Variants in NPAS3 observed in about 807,000 individuals in gnomAD.
The protein encoded by NPAS3 is neuronal PAS domain protein 3, also known as neuronal PAS domain-containing protein 3.
In NPAS3, 14 loss-of-function variants were observed where a neutral mutation model predicts 73.1. That is an observed-to-expected ratio of 0.19 (90% CI 0.13 to 0.30). The LOEUF (loss-of-function observed/expected upper bound fraction) is 0.30. Among genes scored for constraint, NPAS3 ranks in the 10% least tolerant of loss-of-function variants. NPAS3 has a pLI of 1.00. For missense variants in NPAS3, 1,096 were observed against 1,250.0 expected (o/e 0.88, Z 1.86); for synonymous variants, 620 against 541.5 (o/e 1.14, Z -2.01).
At chr14:33,360,800 A>G (rs1184498331) in intron 3 of NPAS3, among the ~76,000 whole-genome samples, 1 of 151,798 alleles carries the variant, frequency 6.6e-6, no homozygotes, top group Admixed American at 6.6e-5. Context: ...ACTCCTCAGG[A>G]CCCCTTGCAT....
At chr14:33,772,847 G>A (rs1442210087) in intron 7 of NPAS3, among the ~76,000 whole-genome samples, 4 of 152,114 alleles carry the variant, frequency 2.6e-5, no homozygotes, top group Non-Finnish European at 5.9e-5. Flanking sequence ...GGTGCATTAA[G>A]TATGAATTTA....
intron 2 of NPAS3, among the ~76,000 whole-genome samples, chr14:33,136,477 T>C (rs2043844208): frequency 6.6e-6 from 1 of 152,192 alleles, no homozygotes; most frequent in Non-Finnish European, 1.5e-5. Context: ...TTCTATATAG[T>C]TTTCTGGAAT....
intron 3 of NPAS3, among the ~76,000 whole-genome samples, chr14:33,258,452 T>C (rs1219107211): frequency 6.6e-6 from 1 of 152,174 alleles, no homozygotes; most frequent in Non-Finnish European, 1.5e-5. Flanking sequence ...CAAGTTCTTT[T>C]AAGGGAGTAG....
At chr14:33,450,728 G>GT (rs1187871040) in intron 4 of NPAS3, among the ~76,000 whole-genome samples, 1 of 152,108 alleles carries the variant, frequency 6.6e-6, no homozygotes, top group African/African-American at 2.4e-5. Flanking sequence ...GGAGAGAGAA[G>GT]TTTTCAATAC....
rs375376951 is a variant in NPAS3 at position 33,529,171 on chromosome 14, A to C, written c.469-30950A>C. Among the ~76,000 whole-genome samples the C allele has an allele frequency of 2.6e-5, 4 of 152,064 alleles. No homozygotes were observed. The South Asian group carries it at 6.2e-4, about 24-fold the overall frequency. ...CATCCTTTTTTGCTCTGGCCACCACACTGTAGAGTCATGACAGTCCTGTGC... is the reference window on the plus strand; with the variant it reads ...CATCCTTTTTTGCTCTGGCCACCACCCTGTAGAGTCATGACAGTCCTGTGC... On this transcript the variant is annotated intron_variant, in intron 4 of 11. Transcript: ENST00000356141.
At chr14:33,124,368 C>T (rs981653755) in intron 2 of NPAS3, among the ~76,000 whole-genome samples, 3 of 151,986 alleles carry the variant, frequency 2.0e-5, no homozygotes, top group Non-Finnish European at 4.4e-5. Context: ...ACTCGGAAGC[C>T]GGACCACTTA....
intron 2 of NPAS3, among the ~76,000 whole-genome samples, chr14:33,147,734 T>C (rs376036419): frequency 9.4e-6 from 1 of 106,612 alleles, no homozygotes; most frequent in Non-Finnish European, 1.9e-5. Flanking sequence ...ATAAAAAATA[T>C]ATATATATAT....
At chr14:33,252,055 GTC>G (rs1237230304) in intron 3 of NPAS3, among the ~76,000 whole-genome samples, 40 of 84,026 alleles carry the variant, frequency 4.8e-4, no homozygotes, top group East Asian at 1.5e-3. Context: ...GTGTGTGTGT[GTC>G]TGTGTGTGTG....
intron 5 of NPAS3, among the ~76,000 whole-genome samples, chr14:33,574,921 T>G (rs1026232160): frequency 6.6e-6 from 1 of 152,116 alleles, no homozygotes; most frequent in Non-Finnish European, 1.5e-5. Flanking sequence ...AACAAGAGTA[T>G]GTAGTGACTT....
chr14:33,367,544 G>C (rs2045898545), intron 4 of NPAS3, among the ~76,000 whole-genome samples: 1 of 152,026 alleles, frequency 6.6e-6, no homozygotes, highest in Non-Finnish European at 1.5e-5. Context: ...GTAGTAACTG[G>C]CTGTTCCCAG....
intron 1 of NPAS3, among the ~76,000 whole-genome samples, chr14:33,003,258 A>G (rs1023212466): frequency 2.0e-5 from 3 of 152,070 alleles, no homozygotes; most frequent in Non-Finnish European, 4.4e-5. Flanking sequence ...ACACTAACAC[A>G]TAGTAACAGC....
chr14:33,321,053 C>T (rs1334247037), intron 3 of NPAS3, among the ~76,000 whole-genome samples: 1 of 152,066 alleles, frequency 6.6e-6, no homozygotes, highest in African/African-American at 2.4e-5. Context: ...TTTCTTTAAC[C>T]TTCATGTATT....
At chr14:33,769,009 G>T (rs111569348) in intron 7 of NPAS3, among the ~76,000 whole-genome samples, 3 of 152,064 alleles carry the variant, frequency 2.0e-5, no homozygotes, top group African/African-American at 4.8e-5. Flanking sequence ...GGAGAAAAAG[G>T]GTGCTTAAGA....
chr14:33,239,086 C>T (rs1453887092), intron 3 of NPAS3, among the ~76,000 whole-genome samples: 1 of 151,888 alleles, frequency 6.6e-6, no homozygotes, highest in Non-Finnish European at 1.5e-5. Flanking sequence ...GTCATTTTTT[C>T]AATGGCACAT....
intron 4 of NPAS3, among the ~76,000 whole-genome samples, chr14:33,558,760 T>G (rs1595152414): frequency 1.3e-5 from 2 of 152,174 alleles, no homozygotes; most frequent in South Asian, 4.1e-4. Context: ...TCTTCCACCT[T>G]TCTATATTTT....
chr14:33,135,229 A>G (rs1167598342), intron 2 of NPAS3, among the ~76,000 whole-genome samples: 3 of 152,206 alleles, frequency 2.0e-5, no homozygotes, highest in Non-Finnish European at 4.4e-5. Context: ...GACAAGTAAA[A>G]GTGAGGAGAA....
Position 33,217,522 on chromosome 14 carries a change from G to A in NPAS3, c.385+2096G>A, listed in dbSNP as rs140761334. On this transcript the variant is annotated intron_variant, in intron 3 of 11. Coordinates refer to ENST00000356141, the Ensembl canonical transcript of NPAS3. ...AATAATTATTCAAATATATAAGTTCGAAAAATATATTATTCAAATGAAATG... is the reference window on the plus strand; with the variant it reads ...AATAATTATTCAAATATATAAGTTCAAAAAATATATTATTCAAATGAAATG... 7.8e-4 allele frequency among the ~76,000 whole-genome samples: 119 copies of A among 152,068 alleles called. 3 individuals carry two copies. The East Asian group carries it at 9.5e-3, about 12-fold the overall frequency.
At chr14:33,442,991 G>T (rs2049321793) in intron 4 of NPAS3, among the ~76,000 whole-genome samples, 1 of 152,124 alleles carries the variant, frequency 6.6e-6, no homozygotes, top group Admixed American at 6.5e-5. Flanking sequence ...CATTTTATCT[G>T]TATGAAATGT....
At chr14:33,576,057 T>C (rs539219838) in intron 5 of NPAS3, among the ~76,000 whole-genome samples, 1 of 152,002 alleles carries the variant, frequency 6.6e-6, no homozygotes, top group East Asian at 1.9e-4. Flanking sequence ...AATATTTAAA[T>C]GGAATGTGTA....
Sources: allele counts gnomAD v4.1 joint callset (sites outside exome capture counted in the v4.1 genomes callset), GRCh38; gene constraint gnomAD v4.1.1; transcripts MANE v1.5; gene names NCBI Gene and HGNC (gene_info 2026-07-23, HGNC 2026-07-21).